Variants in SLC27A4 observed in about 807,000 individuals in gnomAD.
SLC27A4 encodes the protein long-chain fatty acid transport protein 4.
Under a neutral mutation model 64.4 loss-of-function variants are expected in SLC27A4, and 33 were observed. That is an observed-to-expected ratio of 0.51 (90% CI 0.39 to 0.68). The LOEUF (loss-of-function observed/expected upper bound fraction) is 0.68. SLC27A4 is among the 30% of genes least tolerant of loss of function. SLC27A4 has a pLI of 0.00. For synonymous variants in SLC27A4, 377 were observed against 370.0 expected, an observed-to-expected ratio of 1.02 and a Z score of -0.22; for missense variants, 824 against 883.5, an observed-to-expected ratio of 0.93 and a Z score of 0.85.
chr9:128,359,927 C>A (rs540934653), intron 12 of SLC27A4, among the ~76,000 whole-genome samples: 1 of 152,190 alleles, frequency 6.6e-6, no homozygotes, highest in Non-Finnish European at 1.5e-5. Flanking sequence ...CCAGAGAATA[C>A]GGTTGAGCAC....
intron 3 of SLC27A4, among the ~76,000 whole-genome samples, chr9:128,347,994 GCCAAGCCGA>G (rs1373003339): frequency 6.6e-6 from 1 of 152,158 alleles, no homozygotes; most frequent in Non-Finnish European, 1.5e-5. Flanking sequence ...GGAAGGTGGG[GCCAAGCCGA>G]CCAGCGCTGC....
In SLC27A4 at chr9:128,345,432, G is replaced by T; in HGVS notation, c.439G>T (p.Ala147Ser). The T allele has an allele frequency of 1.2e-6, 2 of 1,613,568 alleles. No homozygotes were observed. Among genetic ancestry groups the T allele is most frequent in the Non-Finnish European group, 8.5e-7 (1 of 1,180,040 alleles). ...NEFVGLWLGM[A>S]KLGVEAALIN... The stretch of plus-strand genomic sequence containing the variant: ...GTTCGTGGGCCTATGGCTGGGCATG[G>T]CCAAGCTCGGTGTGGAGGCAGCCCT... Residue 147 changes from alanine to serine, a missense_variant, in exon 3 of 13, where the codon GCC (alanine) becomes TCC (serine). Ala to Ser is a moderately conservative substitution (Grantham distance 99). Coordinates refer to ENST00000300456, the MANE Select transcript of SLC27A4 (RefSeq NM_005094.4). The surrounding 1 kb of genome is among the most constrained non-coding windows in gnomAD (Gnocchi z 4.1).
chr9:128,345,294 C>A lies in SLC27A4; in HGVS notation c.301C>A (p.His101Asn), dbSNP rs376775679. The change falls in exon 3 of 13, where the codon CAC becomes AAC. Residue 101 changes from histidine to asparagine, a missense_variant. Physicochemically the swap from His to Asn is moderately conservative, Grantham distance 68. Coordinates refer to ENST00000300456, the MANE Select transcript of SLC27A4 (RefSeq NM_005094.4). This position sits in a 1 kb window ranked among gnomAD's most constrained non-coding sequence, Gnocchi z 4.1. The part of the protein sequence containing the change: ...TALIFEGTDT[H>N]WTFRQLDEYS... ...CCTGATCTTCGAGGGCACAGATACCCACTGGACCTTCCGCCAGCTGGATGA... is the reference window on the plus strand; with the variant it reads ...CCTGATCTTCGAGGGCACAGATACCAACTGGACCTTCCGCCAGCTGGATGA... The A allele has an allele frequency of 6.2e-7, 1 of 1,613,984 alleles. No individual in the cohort carries two copies. Among genetic ancestry groups the A allele is most frequent in the South Asian group, 1.1e-5 (1 of 91,078 alleles).
chr9:128,350,899 C>T (rs1418304693), intron 6 of SLC27A4, among the ~76,000 whole-genome samples: 2 of 152,202 alleles, frequency 1.3e-5, no homozygotes, highest in African/African-American at 4.8e-5. Context: ...CGAGACCATC[C>T]TGGCTAACAC....
At chr9:128,348,171 T>A (rs1832684703) in intron 3 of SLC27A4, among the ~76,000 whole-genome samples, 1 of 151,818 alleles carries the variant, frequency 6.6e-6, no homozygotes, top group South Asian at 2.1e-4. Context: ...TGCGGGATAG[T>A]GGGGGGGAGC....
intron 3 of SLC27A4, among the ~76,000 whole-genome samples, chr9:128,347,889 AAAAAAG>A (rs948421565): frequency 9.2e-5 from 14 of 151,698 alleles, no homozygotes; most frequent in African/African-American, 3.1e-4. Context: ...GAAAAAAAAA[AAAAAAG>A]AAAGGAAAGA....
intron 6 of SLC27A4, 99 bp downstream of exon 6, chr9:128,350,674 G>A: frequency 1.0e-6 from 1 of 983,038 alleles, no homozygotes; most frequent in Non-Finnish European, 1.6e-6. Context: ...CACAGCTTTG[G>A]GCCAGGCGCA....
rs1832691151 is a variant in SLC27A4, at chr9:128,348,609, G to T, written c.621G>T (p.Glu207Asp). ...SLSLFCSGSWEPGAVPPSTEH... is the reference protein window; with the variant it reads ...SLSLFCSGSWDPGAVPPSTEH... Reference sequence around the variant, plus strand: ...GCCTCTTCTGCTCTGGCTCCTGGGAGCCCGGTGCGGTGCCTCCAAGCACAG... The same window carrying T: ...GCCTCTTCTGCTCTGGCTCCTGGGATCCCGGTGCGGTGCCTCCAAGCACAG... The change falls in exon 4 of 13, where the codon GAG (glutamate) becomes GAT (aspartate). Residue 207 changes from glutamate (E) to aspartate (D), a missense_variant. By Grantham distance (45) the Glu-to-Asp change is conservative (BLOSUM62 2). Coordinates refer to ENST00000300456, the MANE Select transcript of SLC27A4 (RefSeq NM_005094.4). The T allele has an allele frequency of 1.9e-6, 3 of 1,613,686 alleles. No homozygotes were observed. The highest frequency in any genetic ancestry group is 2.5e-6 in the Non-Finnish European group (3 of 1,180,034).
At position 128,341,931 on chromosome 9, in the gene SLC27A4, G is replaced by C. The variant is rs1003881098; in HGVS notation, c.-7+1093G>C. 4.6e-5 allele frequency among the ~76,000 whole-genome samples: 7 copies of C among 152,108 alleles called. No individual in the cohort carries two copies. In the East Asian group the frequency reaches 1.4e-3, roughly 29 times the overall value. On this transcript the variant is annotated intron_variant, in intron 1 of 12. Transcript: ENST00000300456. ...TTTTTGTATTTTTAGTAGAGACAGG[G>C]TTTCACCATCTTGGTCAGGGTGGTC... is the stretch of plus-strand genomic sequence containing the variant.
chr9:128,347,034 G>C (rs1309481703), intron 3 of SLC27A4, among the ~76,000 whole-genome samples: 1 of 152,104 alleles, frequency 6.6e-6, no homozygotes, highest in Non-Finnish European at 1.5e-5. Context: ...TGAAGCACTA[G>C]CAACATGGCT....
chr9:128,352,916 G>C, intron 7 of SLC27A4, 109 bp from the exon 8 acceptor site: 5 of 1,142,008 alleles, frequency 4.4e-6, no homozygotes, highest in Non-Finnish European at 5.2e-6. Flanking sequence ...GAGAGGGAAA[G>C]GATGGCATGG....
Position 128,353,069 on chromosome 9 carries a change from G to C in SLC27A4, c.1032G>C (p.Gln344His). Residue 344 changes from glutamine to histidine, a missense_variant, in exon 8 of 13, where the codon CAG becomes CAC. Physicochemically the swap from Gln to His is conservative, Grantham distance 24. Transcript: ENST00000300456. This position sits in a 1 kb window ranked among gnomAD's most constrained non-coding sequence, Gnocchi z 4.9. ...IGELCRYLLN[Q>H]PPREAENQHQ... ...AACTGTGCCGCTACCTCCTGAACCA[G>C]CCACCGCGGGAGGCAGAAAACCAGC... 1.2e-6 allele frequency: 2 copies of C among 1,614,094 alleles called. No homozygotes were observed. The highest frequency in any genetic ancestry group is 2.2e-5 in the South Asian group (2 of 91,066).
chr9:128,342,416 C>T (rs1351442585), intron 1 of SLC27A4: 4 of 1,603,244 alleles, frequency 2.5e-6, no homozygotes, highest in Non-Finnish European at 3.4e-6. Context: ...GTATTGCCTT[C>T]TTATTTTACT....
chr9:128,350,082 G>A (rs2131261043), intron 4 of SLC27A4, among the ~76,000 whole-genome samples: 1 of 152,350 alleles, frequency 6.6e-6, no homozygotes, highest in Non-Finnish European at 1.5e-5. Flanking sequence ...CTTACTCACT[G>A]ATGTCTCTCT....
intron 2 of SLC27A4, among the ~76,000 whole-genome samples, chr9:128,343,713 A>G (rs1832612381): frequency 6.6e-6 from 1 of 152,224 alleles, no homozygotes; most frequent in South Asian, 2.1e-4. Flanking sequence ...GCCCCTACTC[A>G]GATGTCTGGG....
intron 1 of SLC27A4, 26 bp from the exon 2 acceptor site, chr9:128,343,101 G>A (rs762490869): frequency 6.2e-7 from 1 of 1,612,124 alleles, no homozygotes; most frequent in Admixed American, 1.7e-5. Flanking sequence ...GGGTGTTTGG[G>A]TCCACTAACT....
At position 128,353,212 on chromosome 9, in the gene SLC27A4, G is replaced by C; in HGVS notation, c.1175G>C (p.Ser392Thr). Residue 392 changes from serine (S) to threonine (T), a missense_variant, in exon 8 of 13, where the codon AGC (serine) becomes ACC (threonine). By Grantham distance (58) the Ser-to-Thr change is moderately conservative. Coordinates refer to ENST00000300456, the MANE Select transcript of SLC27A4 (RefSeq NM_005094.4). The surrounding 1 kb of genome is among the most constrained non-coding windows in gnomAD (Gnocchi z 4.9). ...TACGGGGCCACAGAGTGCAACTGTA[G>C]CCTGGGCAACTTCGACAGCCAGGTG... ...EFYGATECNC[S>T]LGNFDSQVGA... is the part of the protein sequence containing the mutation. The C allele has an allele frequency of 6.2e-7, 1 of 1,614,126 alleles. No homozygotes were observed. Among genetic ancestry groups the C allele is most frequent in the South Asian group, 1.1e-5 (1 of 91,088 alleles).
chr9:128,348,819 C>T (rs1390748671), intron 4 of SLC27A4, 116 bp downstream of exon 4: 4 of 1,020,866 alleles, frequency 3.9e-6, no homozygotes, highest in Non-Finnish European at 4.4e-6. Context: ...GAACATGTCA[C>T]GTCACCTCCC....
chr9:128,357,474 C>G (rs887904781), intron 12 of SLC27A4, among the ~76,000 whole-genome samples: 2 of 152,186 alleles, frequency 1.3e-5, no homozygotes, highest in East Asian at 3.9e-4. Flanking sequence ...GGAACCTGGT[C>G]AGACTCATGC....
Sources: gnomAD v4.1 joint callset for allele counts (sites outside exome capture counted in the v4.1 genomes callset) on GRCh38, gnomAD v4.1.1 for gene constraint, Gnocchi (gnomAD v3.1) non-coding constraint, MANE v1.5 for transcripts, NCBI Gene and HGNC (gene_info 2026-07-23, HGNC 2026-07-21) for gene names.